Variants in TRRAP observed in about 807,000 individuals in gnomAD.
TRRAP encodes transformation/transcription domain-associated protein.
TRRAP carries 41 observed loss-of-function variants against 438.8 expected under a neutral mutation model. The ratio of observed to expected loss-of-function variants is 0.09; its 90% CI spans 0.07 to 0.12. The LOEUF (loss-of-function observed/expected upper bound fraction) is 0.12. Among genes scored for constraint, TRRAP ranks in the 10% least tolerant of loss-of-function variants. The pLI is 1.00. For synonymous variants in TRRAP, 1,994 were observed against 1,962.9 expected (o/e 1.02, Z -0.42); for missense variants, 3,122 against 5,055.1 (o/e 0.62, Z 11.60).
At position 98,976,974 on chromosome 7, in the gene TRRAP, G is replaced by T. The variant is rs750622453; in HGVS notation, c.8283G>T (p.Leu2761=). The T allele has an allele frequency of 6.2e-6, 10 of 1,614,196 alleles. No homozygotes were observed. The East Asian group carries it at 2.2e-4, about 36-fold the overall frequency. The change falls in exon 56 of 73, where the codon CTG becomes CTT. Residue 2761 remains leucine (L), a synonymous_variant. Coordinates refer to ENST00000456197, the MANE Select transcript of TRRAP (RefSeq NM_001375524.1). This position sits in a 1 kb window ranked among gnomAD's most constrained non-coding sequence, Gnocchi z 4.6. The part of the protein sequence containing the change: ...ILDSLAELYS[L]LQEEDMWAGL... ...ATTCCCTTGCGGAGCTTTACTCCCT[G>T]TTACAAGAGGAAGATATGTGGGCTG...
intron 65 of TRRAP, among the ~76,000 whole-genome samples, chr7:98,992,828 C>T (rs7787563): frequency 0.023 from 3,562 of 152,152 alleles, 125 homozygotes; most frequent in African/African-American, 0.08. Flanking sequence ...GGCCGTGGGC[C>T]GTGTGTGGTT....
rs200233198 is a variant in TRRAP, at chr7:98,908,830, C to T, written c.1218C>T (p.Ile406=). 9.9e-5 allele frequency: 160 copies of T among 1,612,534 alleles called. 1 individual carries two copies. Among genetic ancestry groups the T allele is most frequent in the South Asian group, 1.2e-4 (11 of 90,662 alleles). The change falls in exon 14 of 73, where the codon ATC becomes ATT. Residue 406 remains isoleucine, a synonymous_variant. Transcript: ENST00000456197. The surrounding 1 kb of genome is among the most constrained non-coding windows in gnomAD (Gnocchi z 4.1). ...SLAVQLFAKN[I]DDESLPSSIQ... ...CCGTCCAGCTCTTCGCCAAGAACATCGACGATGAGTCCCTGCCCAGCAGCA... is the reference window on the plus strand; with the variant it reads ...CCGTCCAGCTCTTCGCCAAGAACATTGACGATGAGTCCCTGCCCAGCAGCA...
chr7:99,006,807 G>T (rs961388746), intron 69 of TRRAP, among the ~76,000 whole-genome samples: 5 of 152,212 alleles, frequency 3.3e-5, no homozygotes, highest in Admixed American at 6.5e-5. Context: ...CCTGAACCTA[G>T]TATCTTCACA....
intron 69 of TRRAP, among the ~76,000 whole-genome samples, chr7:99,007,583 A>AT (rs1794231504): frequency 1.3e-5 from 2 of 151,866 alleles, no homozygotes; most frequent in African/African-American, 4.8e-5. Flanking sequence ...TCCTGACCTC[A>AT]TGTGATCCAC....
At chr7:98,890,799 TTTTTTTA>T (rs1289207253) in intron 4 of TRRAP, among the ~76,000 whole-genome samples, 3 of 127,756 alleles carry the variant, frequency 2.3e-5, no homozygotes, top group Admixed American at 7.4e-5. Context: ...TTTTTTTTTT[TTTTTTTA>T]AAAGACAAGG....
At chr7:98,906,294 C>T (rs1554407516) in intron 13 of TRRAP, 39 bp downstream of exon 13, 10 of 1,558,310 alleles carry the variant, frequency 6.4e-6, no homozygotes, top group Middle Eastern at 1.7e-4. Context: ...TGGTTAAATG[C>T]CAGGAGCATC....
chr7:98,922,056 G>T (rs1554410716), intron 21 of TRRAP, 103 bp downstream of exon 21: 2 of 1,470,666 alleles, frequency 1.4e-6, no homozygotes, highest in Non-Finnish European at 9.3e-7. Context: ...CAATCTCTGA[G>T]TAGAACCAGT....
At chr7:99,009,415 G>A (rs974497734) in intron 70 of TRRAP, among the ~76,000 whole-genome samples, 1 of 152,186 alleles carries the variant, frequency 6.6e-6, no homozygotes, top group Non-Finnish European at 1.5e-5. Context: ...TGTACTCTGT[G>A]GCCCAGGGCA....
Position 98,937,293 on chromosome 7 carries a change from TGCGTGTATGCGCAC to T in TRRAP, c.4233+23_4233+36del, listed in dbSNP as rs1554414491. On this transcript the variant is annotated intron_variant, in intron 29 of 72. Coordinates refer to ENST00000456197, the MANE Select transcript of TRRAP (RefSeq NM_001375524.1). ...TATGAGAAAGGTGAGTGTGTGTGCG[TGCGTGTATGCGCAC>T]GCGTGTGTGCACACACATGTGTGTG... 2.5e-6 allele frequency: 4 copies of T among 1,606,370 alleles called. No individual in the cohort carries two copies. Among genetic ancestry groups the T allele is most frequent in the South Asian group, 1.1e-5 (1 of 89,846 alleles).
rs556976366 is a variant in TRRAP, at chr7:98,981,794, T to C, written c.8660T>C (p.Met2887Thr). The change falls in exon 59 of 73, where the codon ATG becomes ACG. Residue 2887 changes from methionine (M) to threonine (T), a missense_variant. Met to Thr is a moderately conservative substitution (Grantham distance 81, BLOSUM62 -1). Coordinates refer to ENST00000456197, the MANE Select transcript of TRRAP (RefSeq NM_001375524.1). ...VQVEVSCPKEMAWKVNMYRGY... is the reference protein window; with the variant it reads ...VQVEVSCPKETAWKVNMYRGY... ...GTGGAAGTGAGCTGTCCGAAGGAGA[T>C]GGCCTGGAAGGTGAACATGTACCGC... 2 of 1,606,046 alleles carry C rather than the reference T, an allele frequency of 1.2e-6. No individual in the cohort carries two copies. The highest frequency in any genetic ancestry group is 2.3e-5 in the East Asian group (1 of 44,414).
chr7:98,977,401 C>T (rs1026512023), intron 56 of TRRAP, among the ~76,000 whole-genome samples: 2 of 152,146 alleles, frequency 1.3e-5, no homozygotes. Context: ...ACCTAAGATC[C>T]GCCCACCTCG....
intron 49 of TRRAP, 151 bp downstream of exon 49, chr7:98,966,046 T>G: frequency 1.0e-6 from 1 of 968,838 alleles, no homozygotes; most frequent in Non-Finnish European, 1.5e-6. Context: ...TGGATTTTTG[T>G]CTGTAATCTC....
Position 99,012,132 on chromosome 7 carries a change from A to G in TRRAP, c.11399A>G (p.Gln3800Arg). The change falls in exon 73 of 73, where the codon CAA becomes CGA. Residue 3800 changes from glutamine to arginine, a missense_variant. Gln to Arg is a conservative substitution (Grantham distance 43). Coordinates refer to ENST00000456197, the MANE Select transcript of TRRAP (RefSeq NM_001375524.1). The surrounding 1 kb of genome is among the most constrained non-coding windows in gnomAD (Gnocchi z 5.9). ...DEIIAWHKKT[Q>R]EDTSSPLSAA... ...ATCATTGCTTGGCACAAAAAAACAC[A>G]AGAGGACACGTCCTCTCCTCTCTCG... The G allele has an allele frequency of 6.2e-7, 1 of 1,614,160 alleles. No homozygotes were observed. The highest frequency in any genetic ancestry group is 8.5e-7 in the Non-Finnish European group (1 of 1,180,034).
In TRRAP at chr7:98,962,169, A is replaced by G. The variant is rs899769030; in HGVS notation, c.6704-133A>G. ...GAACCAGCCCAGAGGTGAGGCCCAC[A>G]CTGTCCTGCAGGGAGAGAAGTGCCC... On this transcript the variant is annotated intron_variant, in intron 46 of 72. Transcript: ENST00000456197. 5 of 1,362,574 alleles carry G rather than the reference A, an allele frequency of 3.7e-6. No individual in the cohort carries two copies. In the Admixed American group the frequency reaches 7.6e-5, roughly 21 times the overall value. 84.4% of individuals were successfully genotyped at this position (1,362,574 alleles called of 1,614,324 possible).
intron 47 of TRRAP, among the ~76,000 whole-genome samples, chr7:98,963,631 A>T (rs966131513): frequency 2.0e-5 from 3 of 152,186 alleles, no homozygotes; most frequent in Non-Finnish European, 4.4e-5. Context: ...CCCCATTTCC[A>T]TCACTGTCAT....
chr7:98,949,608 T>C, intron 36 of TRRAP, 27 bp downstream of exon 36: 1 of 1,585,204 alleles, frequency 6.3e-7, no homozygotes, highest in Non-Finnish European at 8.6e-7. Flanking sequence ...CAGCCCCCAA[T>C]GCCCAGGGGT....
intron 23 of TRRAP, among the ~76,000 whole-genome samples, chr7:98,927,688 C>G (rs1480563657): frequency 6.6e-6 from 1 of 152,152 alleles, no homozygotes; most frequent in Non-Finnish European, 1.5e-5. Flanking sequence ...TCACCTTCCT[C>G]TGCCTGGCTG....
In TRRAP at chr7:98,971,940, G is replaced by C; in HGVS notation, c.7834G>C (p.Val2612Leu). The stretch of plus-strand genomic sequence containing the variant: ...CAAGTTTCTGGACACTCTCCGAGAG[G>C]TGAAGGTCTGTACGCAGCTTGGAAA... The part of the protein sequence containing the change: ...HDKFLDTLRE[V>L]KTGALLSAFV... Residue 2612 changes from valine to leucine, a missense_variant, in exon 53 of 73, where the codon GTG (valine) becomes CTG (leucine). Val to Leu is a conservative substitution (Grantham distance 32). Around this residue, in one of 24 missense-constraint regions of TRRAP, gnomAD observed 992 missense variants for 1,281.2 expected, o/e 0.77. Transcript: ENST00000456197. 6.2e-7 allele frequency: 1 copy of C among 1,614,136 alleles called. No homozygotes were observed. The highest frequency in any genetic ancestry group is 8.5e-7 in the Non-Finnish European group (1 of 1,179,984).
At chr7:98,918,984 CAAAAAAAA>C (rs782343068) in intron 20 of TRRAP, among the ~76,000 whole-genome samples, 50 of 73,594 alleles carry the variant, frequency 6.8e-4, no homozygotes, top group African/African-American at 2.3e-3. Flanking sequence ...TAAACTGTCT[CAAAAAAAA>C]AAAAAAAAGA....
Sources: allele counts gnomAD v4.1 joint callset (sites outside exome capture counted in the v4.1 genomes callset), GRCh38; gene constraint gnomAD v4.1.1; regional missense constraint gnomAD v4.1.1; non-coding constraint Gnocchi (gnomAD v3.1); transcripts MANE v1.5; gene names NCBI Gene and HGNC (gene_info 2026-07-23, HGNC 2026-07-21).